The following ZFYVE28 variants were observed in gnomAD, a reference collection of about 807,000 sequenced individuals.
ZFYVE28 encodes lateral signaling target protein 2 homolog.
ZFYVE28 carries 40 observed loss-of-function variants against 82.1 expected under a neutral mutation model. That is an observed-to-expected ratio of 0.49 (90% CI 0.38 to 0.63). ZFYVE28 has a LOEUF of 0.63. ZFYVE28 is among the 30% of genes least tolerant of loss of function. The pLI, the probability that ZFYVE28 is intolerant of heterozygous loss-of-function variation, is 0.00. For missense variants in ZFYVE28, 1,321 were observed against 1,242.1 expected, an observed-to-expected ratio of 1.06 and a Z score of -0.96; for synonymous variants, 612 against 546.1, an observed-to-expected ratio of 1.12 and a Z score of -1.68.
chr4:2,411,200 C>T (rs1222886391), intron 1 of ZFYVE28, among the ~76,000 whole-genome samples: 1 of 152,064 alleles, frequency 6.6e-6, no homozygotes, highest in African/African-American at 2.4e-5. Flanking sequence ...AGTTTGGACC[C>T]ATGTTCCTTG....
intron 2 of ZFYVE28, among the ~76,000 whole-genome samples, chr4:2,345,078 T>C (rs905985077): frequency 1.3e-5 from 2 of 151,650 alleles, no homozygotes; most frequent in Admixed American, 6.6e-5. Flanking sequence ...CGGGCACCTG[T>C]AGTCCCAGCT....
In ZFYVE28 at chr4:2,353,996, G is replaced by A. The variant is rs758674561; in HGVS notation, c.117C>T (p.Ser39=). The change falls in exon 2 of 13, where the codon AGC becomes AGT. Residue 39 remains serine, a synonymous_variant. Transcript: ENST00000290974. ...GCTGGGGGTCCTTCCGCCCATCCAG[G>A]CTGTCCAGCTCCGCGGCCACCTGGT... ...ELNQVAAELD[S]LDGRKDPQRC... The A allele has an allele frequency of 6.3e-7, 1 of 1,587,590 alleles. No homozygotes were observed. The highest frequency in any genetic ancestry group is 8.6e-7 in the Non-Finnish European group (1 of 1,167,352).
Position 2,409,438 on chromosome 4 carries a change from G to A in ZFYVE28, c.39+8847C>T, listed in dbSNP as rs1163398545. ...CCTTGCCTGTGACCCATCCCCAGGC[G>A]ACCTCCCAACCCCATCTGCAGCGAC... On this transcript the variant is annotated intron_variant, in intron 1 of 12. Coordinates refer to ENST00000290974, the MANE Select transcript of ZFYVE28 (RefSeq NM_020972.3). The surrounding 1 kb of genome is among the most constrained non-coding windows in gnomAD (Gnocchi z 4.4). 1.3e-5 allele frequency among the ~76,000 whole-genome samples: 2 copies of A among 151,670 alleles called. No homozygotes were observed. Among genetic ancestry groups the A allele is most frequent in the South Asian group, 2.1e-4 (1 of 4,804 alleles).
intron 4 of ZFYVE28, among the ~76,000 whole-genome samples, chr4:2,338,423 TC>T (rs1430292266): frequency 1.3e-5 from 2 of 152,082 alleles, no homozygotes; most frequent in African/African-American, 4.8e-5. Context: ...AAACCCTGTA[TC>T]TACTGAAAAC....
intron 7 of ZFYVE28, among the ~76,000 whole-genome samples, chr4:2,312,018 C>G (rs1717534257): frequency 6.6e-6 from 1 of 152,190 alleles, no homozygotes; most frequent in African/African-American, 2.4e-5. Context: ...AGAATTTAAA[C>G]AGATAATTGG....
rs971606819 is a variant in ZFYVE28, at chr4:2,372,651, G to A, written c.40-18578C>T. 1.3e-5 allele frequency among the ~76,000 whole-genome samples: 2 copies of A among 152,176 alleles called. No individual in the cohort carries two copies. The highest frequency in any genetic ancestry group is 2.9e-5 in the Non-Finnish European group (2 of 68,024). Reference sequence around the variant, plus strand: ...AGGGACCTGATGAGGGAGGGCCTGCGGCTGGGCACGGGTGGGCACTGGCTG... The same window carrying A: ...AGGGACCTGATGAGGGAGGGCCTGCAGCTGGGCACGGGTGGGCACTGGCTG... On this transcript the variant is annotated intron_variant, in intron 1 of 12. Coordinates refer to ENST00000290974, the MANE Select transcript of ZFYVE28 (RefSeq NM_020972.3). This position sits in a 1 kb window ranked among gnomAD's most constrained non-coding sequence, Gnocchi z 5.2.
chr4:2,363,261 C>G (rs1578257161), intron 1 of ZFYVE28, among the ~76,000 whole-genome samples: 2 of 152,158 alleles, frequency 1.3e-5, no homozygotes, highest in African/African-American at 4.8e-5. Flanking sequence ...CTCCAGGGGG[C>G]CTGGGATCAA....
At chr4:2,385,765 C>T (rs115335817) in intron 1 of ZFYVE28, among the ~76,000 whole-genome samples, 99 of 152,320 alleles carry the variant, frequency 6.5e-4, no homozygotes, top group African/African-American at 2.3e-3. Flanking sequence ...CAGGCTTTCA[C>T]AAGGCGGGAC....
intron 6 of ZFYVE28, among the ~76,000 whole-genome samples, chr4:2,329,912 C>T (rs552619259): frequency 5.0e-4 from 76 of 152,194 alleles, no homozygotes; most frequent in Admixed American, 8.5e-4. Flanking sequence ...ATTTGTGCCC[C>T]CTCAGATCAA....
chr4:2,348,494 T>A (rs1723902211), intron 2 of ZFYVE28, among the ~76,000 whole-genome samples: 1 of 152,200 alleles, frequency 6.6e-6, no homozygotes, highest in African/African-American at 2.4e-5. Context: ...TGGGCCCATA[T>A]CCCTAATGAA....
chr4:2,361,717 G>A (rs560989733), intron 1 of ZFYVE28, among the ~76,000 whole-genome samples: 1 of 152,270 alleles, frequency 6.6e-6, no homozygotes, highest in South Asian at 2.1e-4. Flanking sequence ...TCTCAGCCCA[G>A]GTGTCACTAG....
intron 1 of ZFYVE28, among the ~76,000 whole-genome samples, chr4:2,399,030 T>TGGGGTGAGATCCAGGGCACAAGCGTG (rs1560338645): frequency 4.5e-5 from 2 of 44,110 alleles, no homozygotes; most frequent in African/African-American, 7.8e-5. Context: ...GGGCACAAGG[T>TGGGGTGAGATCCAGGGCACAAGCGTG]GGGGTGAGAT....
At chr4:2,334,348 C>T (rs1721226673) in intron 6 of ZFYVE28, among the ~76,000 whole-genome samples, 1 of 152,038 alleles carries the variant, frequency 6.6e-6, no homozygotes, top group Non-Finnish European at 1.5e-5. Context: ...CAGCAGCCCC[C>T]ATTGCTCCCC....
chr4:2,305,471 T>A lies in ZFYVE28; in HGVS notation c.869A>T (p.Gln290Leu). Residue 290 changes from glutamine to leucine, a missense_variant, in exon 8 of 13, where the codon CAA (glutamine) becomes CTA (leucine). Coordinates refer to ENST00000290974, the MANE Select transcript of ZFYVE28 (RefSeq NM_020972.3). The stretch of plus-strand genomic sequence containing the variant: ...TGCGCGGATGGGGAACTCCACGTCT[T>A]GGGAAATGCAGAGGTTCCGTTCCAG... ...HTLERNLCIS[Q>L]DVEFPIRADV... The A allele has an allele frequency of 6.2e-7, 1 of 1,612,938 alleles. No individual in the cohort carries two copies. The highest frequency in any genetic ancestry group is 8.5e-7 in the Non-Finnish European group (1 of 1,180,024).
At chr4:2,413,153 G>A (rs1269323167) in intron 1 of ZFYVE28, among the ~76,000 whole-genome samples, 3 of 152,212 alleles carry the variant, frequency 2.0e-5, no homozygotes, top group Admixed American at 6.5e-5. Context: ...GGCAAGGCAT[G>A]TGAGGTCCCA....
intron 8 of ZFYVE28, among the ~76,000 whole-genome samples, chr4:2,294,934 A>G (rs1392442981): frequency 6.6e-6 from 1 of 151,080 alleles, no homozygotes; most frequent in African/African-American, 2.4e-5. Context: ...TGGGCAACAT[A>G]GCGAGACCCT....
chr4:2,316,646 T>A (rs1268070937), intron 7 of ZFYVE28: 1 of 152,256 alleles, frequency 6.6e-6, no homozygotes. Context: ...ATCAGAACTC[T>A]GCATCCACTT....
At chr4:2,400,147 G>A (rs1232649936) in intron 1 of ZFYVE28, among the ~76,000 whole-genome samples, 2 of 152,228 alleles carry the variant, frequency 1.3e-5, no homozygotes, top group Non-Finnish European at 2.9e-5. Context: ...AATCTGCCTC[G>A]GGGAGCCACA....
chr4:2,344,673 G>A (rs970193286), intron 2 of ZFYVE28, among the ~76,000 whole-genome samples: 8 of 152,170 alleles, frequency 5.3e-5, no homozygotes, highest in Non-Finnish European at 1.0e-4. Flanking sequence ...AAGGTGGGTG[G>A]ATCACCTGAG....
Sources: allele counts gnomAD v4.1 joint callset (sites outside exome capture counted in the v4.1 genomes callset), GRCh38; gene constraint gnomAD v4.1.1; non-coding constraint Gnocchi (gnomAD v3.1); transcripts MANE v1.5; gene names NCBI Gene and HGNC (gene_info 2026-07-23, HGNC 2026-07-21).